The following TECPR2 variants were observed in gnomAD, a reference collection of about 807,000 sequenced individuals.
TECPR2 encodes tectonin beta-propeller repeat-containing protein 2.
TECPR2 carries 65 observed loss-of-function variants against 138.1 expected under a neutral mutation model. That is an observed-to-expected ratio of 0.47 (90% CI 0.39 to 0.58). The LOEUF (loss-of-function observed/expected upper bound fraction) is 0.58, where lower values mean the gene tolerates loss of function less well. Ranked by LOEUF, TECPR2 falls within the 20% of genes least tolerant of loss-of-function variation. The pLI is 0.00. For synonymous variants in TECPR2, 746 were observed against 749.8 expected (o/e 0.99, Z 0.08); for missense variants, 1,553 against 1,824.5 (o/e 0.85, Z 2.71).
At position 102,495,242 on chromosome 14, in the gene TECPR2, A is replaced by G. The variant is rs369319012; in HGVS notation, c.3790-1737A>G. 1.9e-4 allele frequency among the ~76,000 whole-genome samples: 29 copies of G among 152,104 alleles called. 1 individual carries two copies. In the East Asian group the frequency reaches 5.6e-3, roughly 29 times the overall value. ...AAATTTTTTTAAAGAGAACTTTCTG[A>G]CAGCCAGAATCAGGTGGGGGCAGGA... On this transcript the variant is annotated intron_variant, in intron 17 of 19. Coordinates refer to ENST00000359520, the MANE Select transcript of TECPR2 (RefSeq NM_014844.5).
At chr14:102,437,986 C>G (rs1433838571) in intron 9 of TECPR2, 36 bp from the exon 10 acceptor site, 1 of 1,602,460 alleles carries the variant, frequency 6.2e-7, no homozygotes, top group Admixed American at 1.7e-5. Context: ...TGGCTGTGTC[C>G]TCTGCCACAG....
At chr14:102,436,277 G>C (rs1364470878) in intron 9 of TECPR2, among the ~76,000 whole-genome samples, 2 of 151,536 alleles carry the variant, frequency 1.3e-5, no homozygotes, top group Non-Finnish European at 2.9e-5. Context: ...CTTGTTTTGA[G>C]ACAAAACGCC....
intron 17 of TECPR2, among the ~76,000 whole-genome samples, chr14:102,479,655 G>A (rs1172609932): frequency 2.0e-5 from 3 of 152,182 alleles, no homozygotes; most frequent in Non-Finnish European, 2.9e-5. Flanking sequence ...CTCTGACATG[G>A]ATTGTTTTGG....
chr14:102,452,933 C>A (rs979064767), intron 16 of TECPR2, among the ~76,000 whole-genome samples: 1 of 152,132 alleles, frequency 6.6e-6, no homozygotes, highest in African/African-American at 2.4e-5. Context: ...TGCAGCTGCC[C>A]CGTCAGTCTT....
At chr14:102,369,977 GCAAA>G (rs1007802733) in intron 1 of TECPR2, among the ~76,000 whole-genome samples, 27 of 151,688 alleles carry the variant, frequency 1.8e-4, no homozygotes, top group Admixed American at 3.3e-4. Context: ...AAACAAACAA[GCAAA>G]CAAACAAACC....
At chr14:102,367,232 T>C (rs1364226004) in intron 1 of TECPR2, among the ~76,000 whole-genome samples, 2 of 152,204 alleles carry the variant, frequency 1.3e-5, no homozygotes, top group African/African-American at 4.8e-5. Context: ...GATATTTTCC[T>C]TTGTTTTTTG....
chr14:102,432,237 G>A, intron 8 of TECPR2, 109 bp downstream of exon 8: 4 of 1,144,890 alleles, frequency 3.5e-6, no homozygotes, highest in Non-Finnish European at 3.6e-6. Context: ...CAAAAGCAGA[G>A]AACACATACA....
At chr14:102,422,359 C>G (rs1301232589) in intron 5 of TECPR2, among the ~76,000 whole-genome samples, 1 of 152,188 alleles carries the variant, frequency 6.6e-6, no homozygotes, top group African/African-American at 2.4e-5. Context: ...CAGTGTTTTT[C>G]CCTCACCAAT....
chr14:102,465,285 TC>T lies in TECPR2; in HGVS notation c.3787del (p.Gln1263SerfsTer57). 6.2e-7 allele frequency: 1 copy of T among 1,613,590 alleles called. No homozygotes were observed. On this transcript the variant is annotated frameshift_variant, in exon 17 of 20. Transcript: ENST00000359520. LOFTEE classifies it high-confidence loss of function. ...GCCTGGATAATGATTGAGCCACCTG[TC>T]CAGGTAAGCAGAAGTTAGCTGGTGG... ...LPAWIMIEPP[V>X]QPAGVSLVSV...
intron 2 of TECPR2, among the ~76,000 whole-genome samples, chr14:102,400,244 C>T (rs1888442108): frequency 6.6e-6 from 1 of 152,042 alleles, no homozygotes; most frequent in Non-Finnish European, 1.5e-5. Context: ...CGGGGTTTCT[C>T]CATGTTGGCC....
chr14:102,388,260 T>G (rs1404301128), intron 2 of TECPR2, among the ~76,000 whole-genome samples: 1 of 152,208 alleles, frequency 6.6e-6, no homozygotes, highest in Non-Finnish European at 1.5e-5. Context: ...TTCCATTCAT[T>G]GGTTGCTGGA....
Position 102,450,619 on chromosome 14 carries a change from G to A in TECPR2, c.3376G>A (p.Val1126Met), listed in dbSNP as rs1890113978. ...AGCTTCTGCTACAAAATGGGCCTTT[G>A]TGTTGGCTTCTGCAGCTCCCACGAA... is the stretch of plus-strand genomic sequence containing the variant. ...GTASATKWAF[V>M]LASAAPTKEG... Residue 1126 changes from valine (V) to methionine (M), a missense_variant, in exon 15 of 20, where the codon GTG (valine) becomes ATG (methionine). Physicochemically the swap from Val to Met is conservative, Grantham distance 21. Transcript: ENST00000359520. The A allele has an allele frequency of 1.2e-5, 19 of 1,614,190 alleles. No individual in the cohort carries two copies. Among genetic ancestry groups the A allele is most frequent in the Non-Finnish European group, 1.5e-5 (18 of 1,180,012 alleles).
At chr14:102,377,252 G>A (rs1887666324) in intron 2 of TECPR2, among the ~76,000 whole-genome samples, 1 of 152,152 alleles carries the variant, frequency 6.6e-6, no homozygotes. Context: ...AACTCCTGGG[G>A]TCAAGTGATC....
At chr14:102,452,356 GACA>G (rs1890165708) in intron 15 of TECPR2, 35 bp from the exon 16 acceptor site, 1 of 1,586,238 alleles carries the variant, frequency 6.3e-7, no homozygotes, top group South Asian at 1.1e-5. Context: ...GCTTGGTGCA[GACA>G]ACACCTCGAT....
chr14:102,427,796 C>T (rs1258655800), intron 6 of TECPR2, among the ~76,000 whole-genome samples: 1 of 152,204 alleles, frequency 6.6e-6, no homozygotes, highest in East Asian at 1.9e-4. Context: ...GTGCTGCAAG[C>T]CCTGAGAGCC....
At chr14:102,386,464 T>C (rs1888008308) in intron 2 of TECPR2, among the ~76,000 whole-genome samples, 1 of 152,128 alleles carries the variant, frequency 6.6e-6, no homozygotes, top group South Asian at 2.1e-4. Context: ...AGCAAGACTC[T>C]GTCTCAAAAA....
At chr14:102,430,556 G>A (rs957092811) in intron 7 of TECPR2, among the ~76,000 whole-genome samples, 7 of 152,212 alleles carry the variant, frequency 4.6e-5, no homozygotes, top group African/African-American at 1.2e-4. Context: ...TCTGGCACAC[G>A]GAGGATCCCC....
At chr14:102,439,313 G>T (rs753645123) in intron 10 of TECPR2, among the ~76,000 whole-genome samples, 36 of 152,166 alleles carry the variant, frequency 2.4e-4, no homozygotes, top group African/African-American at 8.7e-4. Context: ...GGACCTGTCT[G>T]TTCTCTGTAA....
At chr14:102,467,210 C>T (rs911398541) in intron 17 of TECPR2, among the ~76,000 whole-genome samples, 3 of 151,794 alleles carry the variant, frequency 2.0e-5, no homozygotes, top group Non-Finnish European at 2.9e-5. Context: ...GGTCATGTGG[C>T]GATTCTGTGT....
Sources: allele counts gnomAD v4.1 joint callset (sites outside exome capture counted in the v4.1 genomes callset), GRCh38; gene constraint gnomAD v4.1.1; transcripts MANE v1.5; gene names NCBI Gene and HGNC (gene_info 2026-07-23, HGNC 2026-07-21).